The following SMOC2 variants were observed in gnomAD, a reference collection of about 807,000 sequenced individuals.
SMOC2 encodes SPARC-related modular calcium-binding protein 2.
In SMOC2, 39 loss-of-function variants were observed where a neutral mutation model predicts 61.4. The ratio of observed to expected loss-of-function variants is 0.64; its 90% CI spans 0.49 to 0.83. The LOEUF is 0.83. Ranked by LOEUF, SMOC2 falls within the 40% of genes least tolerant of loss-of-function variation. SMOC2 has a pLI of 0.00. For synonymous variants in SMOC2, 247 were observed against 239.9 expected (o/e 1.03, Z -0.27); for missense variants, 556 against 592.9 (o/e 0.94, Z 0.65).
At position 168,582,264 on chromosome 6, in the gene SMOC2, ACTT is replaced by A. The variant is rs531772006; in HGVS notation, c.638-16550_638-16548del. On this transcript the variant is annotated intron_variant, in intron 7 of 12. Transcript: ENST00000356284. The stretch of plus-strand genomic sequence containing the variant: ...GATGTCATGGATTGGTTTTGGGGTG[ACTT>A]CTTTATGTTACAGCTCTGGAGTCTC... Among the ~76,000 whole-genome samples the A allele has an allele frequency of 2.7e-3, 416 of 152,238 alleles. 3 individuals carry two copies. The highest frequency in any genetic ancestry group is 9.5e-3 in the South Asian group (46 of 4,818).
intron 9 of SMOC2, among the ~76,000 whole-genome samples, chr6:168,639,244 C>T (rs923407290): frequency 6.6e-6 from 1 of 152,160 alleles, no homozygotes; most frequent in East Asian, 1.9e-4. Context: ...CTTAAAGTTA[C>T]TTCCAAAATG....
Position 168,553,413 on chromosome 6 carries a change from C to T in SMOC2, c.637+4210C>T, listed in dbSNP as rs1261468728. 1.3e-5 allele frequency among the ~76,000 whole-genome samples: 2 copies of T among 152,150 alleles called. No homozygotes were observed. The highest frequency in any genetic ancestry group is 2.9e-5 in the Non-Finnish European group (2 of 68,038). On this transcript the variant is annotated intron_variant, in intron 7 of 12. Coordinates refer to ENST00000356284, the MANE Select transcript of SMOC2 (RefSeq NM_001166412.2). This position sits in a 1 kb window ranked among gnomAD's most constrained non-coding sequence, Gnocchi z 4.2. ...GATAAGACATTTTGTAAGATACAGT[C>T]TTTTAATTATGTAAGATTTAAACAA...
chr6:168,567,911 G>A (rs909635283), intron 7 of SMOC2, among the ~76,000 whole-genome samples: 1 of 151,156 alleles, frequency 6.6e-6, no homozygotes, highest in Non-Finnish European at 1.5e-5. Flanking sequence ...GGCAAAGACC[G>A]GATGGTGTGA....
chr6:168,661,651 A>G (rs2115291375), intron 11 of SMOC2, among the ~76,000 whole-genome samples: 1 of 152,286 alleles, frequency 6.6e-6, no homozygotes, highest in South Asian at 2.1e-4. Context: ...ACTTTAATTT[A>G]CAGCTACTTC....
At chr6:168,661,826 C>A (rs943505780) in intron 11 of SMOC2, among the ~76,000 whole-genome samples, 2 of 152,086 alleles carry the variant, frequency 1.3e-5, no homozygotes, top group Non-Finnish European at 2.9e-5. Flanking sequence ...GGCTGAAAAG[C>A]CTATATTTTT....
chr6:168,552,530 A>C (rs1784150348), intron 7 of SMOC2, among the ~76,000 whole-genome samples: 1 of 152,166 alleles, frequency 6.6e-6, no homozygotes, highest in South Asian at 2.1e-4. Context: ...AATTTGTATG[A>C]AAATAATGTG....
At chr6:168,565,582 G>A (rs751602459) in intron 7 of SMOC2, among the ~76,000 whole-genome samples, 7 of 152,172 alleles carry the variant, frequency 4.6e-5, no homozygotes, top group Non-Finnish European at 7.3e-5. Flanking sequence ...TCAGAGTTAA[G>A]CCTTCATCCA....
intron 6 of SMOC2, among the ~76,000 whole-genome samples, chr6:168,547,652 G>A (rs1338740499): frequency 1.3e-5 from 2 of 152,074 alleles, no homozygotes; most frequent in African/African-American, 4.8e-5. Flanking sequence ...ACTGTGAGAT[G>A]CTGGGGATGT....
At chr6:168,513,604 T>A (rs936247452) in intron 2 of SMOC2, among the ~76,000 whole-genome samples, 2 of 152,210 alleles carry the variant, frequency 1.3e-5, no homozygotes, top group Admixed American at 6.5e-5. Context: ...TATGATCAAT[T>A]TGCTTCAACC....
At chr6:168,581,372 TG>T (rs1377799246) in intron 7 of SMOC2, among the ~76,000 whole-genome samples, 26 of 152,204 alleles carry the variant, frequency 1.7e-4, no homozygotes, top group African/African-American at 6.3e-4. Context: ...GTGCCTGGCA[TG>T]GGCATTATCT....
chr6:168,663,426 G>A (rs1310779904), intron 11 of SMOC2, among the ~76,000 whole-genome samples: 2 of 152,196 alleles, frequency 1.3e-5, no homozygotes, highest in Non-Finnish European at 2.9e-5. Context: ...TCTTGTTGGG[G>A]CATTGCTGAT....
chr6:168,631,145 G>T (rs1372325923), intron 9 of SMOC2, among the ~76,000 whole-genome samples: 1 of 152,072 alleles, frequency 6.6e-6, no homozygotes, highest in Non-Finnish European at 1.5e-5. Flanking sequence ...TGGCTTGTGG[G>T]GCATCACGGA....
chr6:168,551,423 TTTTA>T (rs147825097), intron 7 of SMOC2, among the ~76,000 whole-genome samples: 18,304 of 146,654 alleles, frequency 0.12, 2,293 homozygotes, highest in African/African-American at 0.33. Context: ...ATATACTTTA[TTTTA>T]TTTATTTATT....
chr6:168,661,140 T>C (rs1256153857), intron 11 of SMOC2, among the ~76,000 whole-genome samples: 1 of 152,124 alleles, frequency 6.6e-6, no homozygotes, highest in Non-Finnish European at 1.5e-5. Context: ...CTTAAAAAAA[T>C]TCATTATCAG....
chr6:168,568,280 A>G (rs1160046212), intron 7 of SMOC2, among the ~76,000 whole-genome samples: 1 of 152,202 alleles, frequency 6.6e-6, no homozygotes, highest in Non-Finnish European at 1.5e-5. Flanking sequence ...CAGGGGTGGA[A>G]CAGTATTTTC....
At chr6:168,519,712 G>T (rs1244614385) in intron 2 of SMOC2, among the ~76,000 whole-genome samples, 2 of 152,294 alleles carry the variant, frequency 1.3e-5, no homozygotes, top group Admixed American at 1.3e-4. Flanking sequence ...CCTCTGGAAG[G>T]TTCTAGTCAG....
intron 1 of SMOC2, among the ~76,000 whole-genome samples, chr6:168,503,341 G>A (rs1406225823): frequency 6.6e-6 from 1 of 151,984 alleles, no homozygotes; most frequent in African/African-American, 2.4e-5. Context: ...GCCTCCCAAA[G>A]TGCTGGGATT....
chr6:168,620,661 A>C (rs1786218643), intron 9 of SMOC2, among the ~76,000 whole-genome samples: 1 of 152,210 alleles, frequency 6.6e-6, no homozygotes, highest in Non-Finnish European at 1.5e-5. Flanking sequence ...AGGGAACCGC[A>C]GACAGCATGG....
At chr6:168,485,790 T>C (rs1031949904) in intron 1 of SMOC2, among the ~76,000 whole-genome samples, 3 of 152,204 alleles carry the variant, frequency 2.0e-5, no homozygotes, top group Non-Finnish European at 2.9e-5. Context: ...TTTAAAACAT[T>C]GAATTGTACA....
Sources: allele counts gnomAD v4.1 joint callset (sites outside exome capture counted in the v4.1 genomes callset), GRCh38; gene constraint gnomAD v4.1.1; non-coding constraint Gnocchi (gnomAD v3.1); transcripts MANE v1.5; gene names NCBI Gene and HGNC (gene_info 2026-07-23, HGNC 2026-07-21).